The following NCK2 variants were observed in gnomAD, a reference collection of about 807,000 sequenced individuals.
The protein encoded by NCK2 is NCK adaptor protein 2.
NCK2 carries 16 observed loss-of-function variants against 33.9 expected under a neutral mutation model. That is an observed-to-expected ratio of 0.47 (90% CI 0.32 to 0.72). The LOEUF is 0.72. Ranked by LOEUF, NCK2 falls within the 30% of genes least tolerant of loss-of-function variation. NCK2 has a pLI of 0.03. For synonymous variants in NCK2, 273 were observed against 239.9 expected (o/e 1.14, Z -1.27); for missense variants, 418 against 537.3 (o/e 0.78, Z 2.19).
At chr2:105,879,817 G>A (rs909549395) in intron 3 of NCK2, among the ~76,000 whole-genome samples, 4 of 152,220 alleles carry the variant, frequency 2.6e-5, no homozygotes, top group African/African-American at 7.2e-5. Flanking sequence ...AGGACTGATC[G>A]CCCTTTACTC....
At chr2:105,850,548 A>G (rs1469318852) in intron 2 of NCK2, among the ~76,000 whole-genome samples, 1 of 152,214 alleles carries the variant, frequency 6.6e-6, no homozygotes, top group Admixed American at 6.5e-5. Context: ...TAATCTGGCT[A>G]TATAATATCA....
chr2:105,846,916 A>C (rs1321598672), intron 2 of NCK2: 3 of 152,254 alleles, frequency 2.0e-5, no homozygotes, highest in African/African-American at 7.2e-5. Context: ...TGGAAGCAAC[A>C]CAAATGTCGA....
intron 1 of NCK2, among the ~76,000 whole-genome samples, chr2:105,788,187 T>C (rs759660882): frequency 6.6e-6 from 1 of 152,216 alleles, no homozygotes; most frequent in Non-Finnish European, 1.5e-5. Flanking sequence ...AGTTTTTTCA[T>C]CAGCTATGTG....
intron 1 of NCK2, among the ~76,000 whole-genome samples, chr2:105,758,469 C>A (rs1047345260): frequency 6.9e-6 from 1 of 144,428 alleles, no homozygotes; most frequent in African/African-American, 2.6e-5. Context: ...GGAGTGCAGT[C>A]GCTTGATCTC....
At chr2:105,826,678 A>T (rs991864849) in intron 2 of NCK2, among the ~76,000 whole-genome samples, 2 of 152,152 alleles carry the variant, frequency 1.3e-5, no homozygotes, top group African/African-American at 4.8e-5. Context: ...GTCATTACTG[A>T]GTTATCCTCA....
chr2:105,786,569 A>G (rs991922626), intron 1 of NCK2, among the ~76,000 whole-genome samples: 4 of 152,182 alleles, frequency 2.6e-5, no homozygotes, highest in Admixed American at 2.6e-4. Flanking sequence ...AAAGGAGGTA[A>G]TGCCGGCCTC....
chr2:105,832,869 G>T (rs1017907932), intron 2 of NCK2, among the ~76,000 whole-genome samples: 1 of 148,420 alleles, frequency 6.7e-6, no homozygotes. Flanking sequence ...ATTTTGTTTC[G>T]TTTCGTTTTT....
intron 1 of NCK2, among the ~76,000 whole-genome samples, chr2:105,784,839 G>T (rs1463201978): frequency 6.6e-6 from 1 of 152,152 alleles, no homozygotes; most frequent in African/African-American, 2.4e-5. Context: ...TGTGTCCTCA[G>T]ATACTGACAG....
Position 105,888,519 on chromosome 2 carries a change from T to A in NCK2, c.949-4463T>A, listed in dbSNP as rs550296748. On this transcript the variant is annotated intron_variant, in intron 4 of 4. Coordinates refer to ENST00000233154, the MANE Select transcript of NCK2 (RefSeq NM_003581.5). ...CCGGGGACTGAGTCTAGTTAGGTTT[T>A]AGTCCAATCATAGAAAATTGTAATG... Among the ~76,000 whole-genome samples, 60 of 152,362 alleles carry A rather than the reference T, an allele frequency of 3.9e-4. No individual in the cohort carries two copies. In the South Asian group the frequency reaches 0.01, roughly 26 times the overall value.
At chr2:105,799,638 C>G (rs1284249495) in intron 1 of NCK2, among the ~76,000 whole-genome samples, 1 of 152,250 alleles carries the variant, frequency 6.6e-6, no homozygotes, top group East Asian at 1.9e-4. Flanking sequence ...AAAAACAAAA[C>G]GGAATACCAC....
chr2:105,788,377 T>C (rs1690755471), intron 1 of NCK2, among the ~76,000 whole-genome samples: 1 of 152,220 alleles, frequency 6.6e-6, no homozygotes, highest in Non-Finnish European at 1.5e-5. Context: ...GCCATTTAGA[T>C]GATGATGTTT....
At chr2:105,846,163 CA>C (rs1676848749) in intron 2 of NCK2, among the ~76,000 whole-genome samples, 1 of 152,116 alleles carries the variant, frequency 6.6e-6, no homozygotes, top group Non-Finnish European at 1.5e-5. Context: ...AGGAAGGTTA[CA>C]AAATTGTGTA....
intron 1 of NCK2, among the ~76,000 whole-genome samples, chr2:105,794,535 C>G (rs1018353344): frequency 1.3e-5 from 2 of 151,886 alleles, no homozygotes; most frequent in Non-Finnish European, 2.9e-5. Flanking sequence ...TGTTTTTGTC[C>G]TTAGGGTTTA....
Position 105,858,024 on chromosome 2 carries a change from T to G in NCK2, c.226+2735T>G, listed in dbSNP as rs866647913. 2.0e-4 allele frequency among the ~76,000 whole-genome samples: 31 copies of G among 151,222 alleles called. 1 individual carries two copies. In the Middle Eastern group the frequency reaches 0.021, roughly 100 times the overall value. On this transcript the variant is annotated intron_variant, in intron 3 of 4. Coordinates refer to ENST00000233154, the MANE Select transcript of NCK2 (RefSeq NM_003581.5). ...TGCATTTGTGTGTGTTTGTGTTTTG[T>G]TTTTTGTTCTTTGTTTTTTGGGGTT...
chr2:105,840,131 G>C (rs954434709), intron 2 of NCK2, among the ~76,000 whole-genome samples: 6 of 152,120 alleles, frequency 3.9e-5, no homozygotes, highest in African/African-American at 1.4e-4. Context: ...GAGTTGGTGG[G>C]GTTAGGGGCA....
rs573209871 is a variant in NCK2 at position 105,835,794 on chromosome 2, G to A, written c.-17+19181G>A. On this transcript the variant is annotated intron_variant, in intron 2 of 4. Transcript: ENST00000233154. ...ATGTTTGCTTAATAGGATCCCACAT[G>A]TCAGGTAGGCTTTCTTCATTCTTTT... Among the ~76,000 whole-genome samples, 41 of 152,032 alleles carry A rather than the reference G, an allele frequency of 2.7e-4. No individual in the cohort carries two copies. In the South Asian group the frequency reaches 8.5e-3, roughly 32 times the overall value.
At chr2:105,793,181 A>T (rs1690953734) in intron 1 of NCK2, among the ~76,000 whole-genome samples, 1 of 152,148 alleles carries the variant, frequency 6.6e-6, no homozygotes, top group South Asian at 2.1e-4. Context: ...TAATGAAGGG[A>T]TTGGGCATTA....
Position 105,855,042 on chromosome 2 carries a change from T to C in NCK2, c.-16-6T>C, listed in dbSNP as rs756342728. The C allele has an allele frequency of 5.6e-6, 9 of 1,605,380 alleles. No individual in the cohort carries two copies. Among genetic ancestry groups the C allele is most frequent in the Non-Finnish European group, 6.8e-6 (8 of 1,172,046 alleles). On this transcript the variant is annotated splice_region_variant and splice_polypyrimidine_tract_variant and intron_variant, in intron 2 of 4. Transcript: ENST00000233154. Reference sequence around the variant, plus strand: ...TAATGAGCATCTCCAAATGTTTTGCTGGCAGAAGGACTCCATGAAAGATGA... The same window carrying C: ...TAATGAGCATCTCCAAATGTTTTGCCGGCAGAAGGACTCCATGAAAGATGA...
intron 1 of NCK2, among the ~76,000 whole-genome samples, chr2:105,750,068 A>ACACACACACACACACACACACACAC (rs1553449505): frequency 2.0e-5 from 3 of 151,166 alleles, no homozygotes; most frequent in South Asian, 2.1e-4. Context: ...ACACACACAC[A>ACACACACACACACACACACACACAC]AAACAACAAC....
Sources: allele counts gnomAD v4.1 joint callset (sites outside exome capture counted in the v4.1 genomes callset), GRCh38; gene constraint gnomAD v4.1.1; transcripts MANE v1.5; gene names NCBI Gene and HGNC (gene_info 2026-07-23, HGNC 2026-07-21).